Variants in THADA observed in about 807,000 individuals in gnomAD.
THADA encodes tRNA (32-2'-O)-methyltransferase regulator THADA.
In THADA, 213 loss-of-function variants were observed where a neutral mutation model predicts 219.8. The observed-to-expected ratio is 0.97, with a 90% CI of 0.87 to 1.09. The LOEUF (loss-of-function observed/expected upper bound fraction) is 1.09. THADA is among the 50% of genes least tolerant of loss of function. THADA has a pLI of 0.00. For missense variants in THADA, 2,956 were observed against 2,311.3 expected (o/e 1.28, Z -5.72); for synonymous variants, 1,018 against 828.9 (o/e 1.23, Z -3.92).
chr2:43,275,347 A>C (rs1672612235), intron 36 of THADA, among the ~76,000 whole-genome samples: 1 of 152,114 alleles, frequency 6.6e-6, no homozygotes. Context: ...CGGGAATGGG[A>C]GGAGGCCATC....
intron 26 of THADA, among the ~76,000 whole-genome samples, chr2:43,431,926 G>C (rs1257315254): frequency 1.0e-5 from 1 of 97,898 alleles, no homozygotes; most frequent in Non-Finnish European, 1.9e-5. Context: ...GCGGGATCTC[G>C]GCTCACTGCA....
At position 43,501,307 on chromosome 2, in the gene THADA, C is replaced by CAAAAAAA. The variant is rs60448094; in HGVS notation, c.3622-2359_3622-2353dup. 5.7e-3 allele frequency among the ~76,000 whole-genome samples: 85 copies of CAAAAAAA among 15,030 alleles called. 3 individuals are homozygous for CAAAAAAA. The highest frequency in any genetic ancestry group is 8.0e-3 in the Non-Finnish European group (60 of 7,526). The allele number at this position is 15,030 out of a possible 152,430, so 9.9% of individuals were successfully genotyped here. Reference sequence around the variant, plus strand: ...GGCAACAAAAGCGAAACTCCAACTCCAAAAAAAAAAAAAAAAAAAAAAAAA... The same window carrying CAAAAAAA: ...GGCAACAAAAGCGAAACTCCAACTCCAAAAAAAAAAAAAAAAAAAAAAAAAAAAAAAA... On this transcript the variant is annotated intron_variant, in intron 24 of 37. Coordinates refer to ENST00000405975, the MANE Select transcript of THADA (RefSeq NM_022065.5).
chr2:43,556,254 A>C (rs996143615), intron 17 of THADA, 91 bp downstream of exon 17: 1 of 1,529,958 alleles, frequency 6.5e-7, no homozygotes. Flanking sequence ...ATAAAAAACC[A>C]CAAAATATAT....
chr2:43,502,188 C>A (rs1689076668), intron 24 of THADA, among the ~76,000 whole-genome samples: 1 of 152,182 alleles, frequency 6.6e-6, no homozygotes, highest in Non-Finnish European at 1.5e-5. Context: ...GCACTCCAGC[C>A]TGGGTGACAG....
intron 14 of THADA, among the ~76,000 whole-genome samples, chr2:43,568,766 T>C (rs565651438): frequency 1.8e-3 from 281 of 152,158 alleles, no homozygotes; most frequent in African/African-American, 6.6e-3. Context: ...ATGTTTAGAA[T>C]AGGTAGTATG....
At chr2:43,358,061 C>T (rs1416816922) in intron 29 of THADA, among the ~76,000 whole-genome samples, 1 of 152,140 alleles carries the variant, frequency 6.6e-6, no homozygotes, top group African/African-American at 2.4e-5. Context: ...ATTAACCAGA[C>T]TGCATACCTG....
At chr2:43,392,906 G>A (rs562327661) in intron 29 of THADA, among the ~76,000 whole-genome samples, 3 of 152,310 alleles carry the variant, frequency 2.0e-5, no homozygotes, top group East Asian at 3.9e-4. Flanking sequence ...AAGCTACAGT[G>A]TCTGCTGAAT....
At chr2:43,251,664 A>G (rs569530767) in intron 36 of THADA, among the ~76,000 whole-genome samples, 13 of 152,230 alleles carry the variant, frequency 8.5e-5, no homozygotes, top group Non-Finnish European at 1.9e-4. Flanking sequence ...GCCTAGCACC[A>G]GCCCACAGGC....
At chr2:43,274,993 CTTTTCTTTTTTT>C (rs1263862845) in intron 36 of THADA, among the ~76,000 whole-genome samples, 2 of 121,626 alleles carry the variant, frequency 1.6e-5, no homozygotes, top group African/African-American at 6.2e-5. Flanking sequence ...CTTTTCTTTT[CTTTTCTTTTTTT>C]TTTTTTTTTG....
intron 34 of THADA, among the ~76,000 whole-genome samples, chr2:43,288,888 T>A (rs1234401784): frequency 6.6e-6 from 1 of 152,162 alleles, no homozygotes; most frequent in African/African-American, 2.4e-5. Context: ...ACCACCACGG[T>A]CAATTTCAGA....
At chr2:43,291,149 T>TA (rs1461666765) in intron 34 of THADA, among the ~76,000 whole-genome samples, 3 of 151,406 alleles carry the variant, frequency 2.0e-5, no homozygotes, top group Non-Finnish European at 2.9e-5. Flanking sequence ...GAACTCTAAT[T>TA]AAAAAAATGC....
chr2:43,418,197 T>A lies in THADA; in HGVS notation c.4058+9903A>T, dbSNP rs534045433. 7.2e-5 allele frequency among the ~76,000 whole-genome samples: 11 copies of A among 152,326 alleles called. No homozygotes were observed. In the South Asian group the frequency reaches 1.9e-3, roughly 26 times the overall value. ...ACTCCTTAGGGAGTCACTTTTTGAATGTGGGCATATTATGTCTACTCTCTC... is the reference window on the plus strand; with the variant it reads ...ACTCCTTAGGGAGTCACTTTTTGAAAGTGGGCATATTATGTCTACTCTCTC... On this transcript the variant is annotated intron_variant, in intron 28 of 37. Transcript: ENST00000405975.
intron 30 of THADA, among the ~76,000 whole-genome samples, chr2:43,329,850 T>C (rs1679755728): frequency 6.6e-6 from 1 of 152,212 alleles, no homozygotes; most frequent in Non-Finnish European, 1.5e-5. Context: ...AGGACCAGCA[T>C]AAAGGCACAT....
intron 36 of THADA, among the ~76,000 whole-genome samples, chr2:43,271,192 C>G (rs1289829620): frequency 6.6e-6 from 1 of 152,210 alleles, no homozygotes; most frequent in Non-Finnish European, 1.5e-5. Context: ...GGATGAAACT[C>G]TTGCTCAAGA....
chr2:43,476,296 G>C (rs1340346751), intron 26 of THADA, among the ~76,000 whole-genome samples: 2 of 152,186 alleles, frequency 1.3e-5, no homozygotes, highest in Non-Finnish European at 2.9e-5. Context: ...ATTGTGCCTA[G>C]ACACTGCAGT....
Position 43,574,547 on chromosome 2 carries a change from C to T in THADA, c.1518G>A (p.Lys506=), listed in dbSNP as rs1278390841. Residue 506 remains lysine, a synonymous_variant, in exon 11 of 38, where the codon AAG becomes AAA. Coordinates refer to ENST00000405975, the MANE Select transcript of THADA (RefSeq NM_022065.5). ...DLLETMFRNH[K]SHLKSQTAES... ...CAGCAGTCTGGGATTTCAAATGACT[C>T]TTATGATTTCTAAACATGGTTTCCA... 6.2e-7 allele frequency: 1 copy of T among 1,613,864 alleles called. No homozygotes were observed. The highest frequency in any genetic ancestry group is 1.1e-5 in the South Asian group (1 of 91,086).
intron 19 of THADA, among the ~76,000 whole-genome samples, chr2:43,551,277 C>A (rs990121763): frequency 1.3e-5 from 2 of 152,150 alleles, no homozygotes; most frequent in African/African-American, 4.8e-5. Context: ...TTAAAAGGAA[C>A]ACTCAATTTT....
rs542615537 is a variant in THADA, at chr2:43,562,377, T to G, written c.2312-1992A>C. 2.0e-5 allele frequency: 3 copies of G among 152,474 alleles called. No individual in the cohort carries two copies. In the South Asian group the frequency reaches 6.2e-4, roughly 32 times the overall value. The allele number at this position is 152,474 out of a possible 1,614,324, so 9.4% of individuals were successfully genotyped here. A position where few individuals can be genotyped will look rare whatever the true frequency, so the allele number is the denominator to read the frequency against. On this transcript the variant is annotated intron_variant, in intron 15 of 37. Coordinates refer to ENST00000405975, the MANE Select transcript of THADA (RefSeq NM_022065.5). ...CTCCTGCCTCAGCCTCCTGAGTAGC[T>G]GGGATTACAGGTACCTGCCACCACG...
At chr2:43,566,249 T>C (rs562623558) in intron 15 of THADA, 3 of 487,310 alleles carry the variant, frequency 6.2e-6, no homozygotes, top group East Asian at 3.3e-5. Flanking sequence ...ATCCTCATAT[T>C]GTCTTTCCGA....
Sources: allele counts gnomAD v4.1 joint callset (sites outside exome capture counted in the v4.1 genomes callset), GRCh38; gene constraint gnomAD v4.1.1; transcripts MANE v1.5; gene names NCBI Gene and HGNC (gene_info 2026-07-23, HGNC 2026-07-21).